The following TARDBP variants were observed in gnomAD, a reference collection of about 807,000 sequenced individuals.
TARDBP encodes TAR DNA binding protein, also known as TAR DNA-binding protein 43.
In TARDBP, 4 loss-of-function variants were observed where a neutral mutation model predicts 38.3. The ratio of observed to expected loss-of-function variants is 0.10; its 90% CI spans 0.05 to 0.24. TARDBP has a LOEUF of 0.24. Among genes scored for constraint, TARDBP ranks in the 10% least tolerant of loss-of-function variants. The pLI is 1.00. For missense variants in TARDBP, 202 were observed against 521.9 expected (o/e 0.39, Z 5.97); for synonymous variants, 184 against 183.8 (o/e 1.00, Z -0.01).
rs1204146387 is a variant in TARDBP, at chr1:11,022,661, G to A, written c.*7G>A. On this transcript the variant is annotated 3_prime_UTR_variant, in exon 6 of 6. Coordinates refer to ENST00000240185, the MANE Select transcript of TARDBP (RefSeq NM_007375.4). The surrounding 1 kb of genome is among the most constrained non-coding windows in gnomAD (Gnocchi z 4.5). The stretch of plus-strand genomic sequence containing the variant: ...TTCTGGCTGGGGAATGTAGACAGTG[G>A]GGTTGTGGTTGGTTGGTATAGAATG... 6.2e-7 allele frequency: 1 copy of A among 1,608,390 alleles called. No individual in the cohort carries two copies. Among genetic ancestry groups the A allele is most frequent in the Non-Finnish European group, 8.5e-7 (1 of 1,177,516 alleles).
At position 11,022,669 on chromosome 1, in the gene TARDBP, G is replaced by A; in HGVS notation, c.*15G>A. On this transcript the variant is annotated 3_prime_UTR_variant, in exon 6 of 6. Coordinates refer to ENST00000240185, the MANE Select transcript of TARDBP (RefSeq NM_007375.4). This position sits in a 1 kb window ranked among gnomAD's most constrained non-coding sequence, Gnocchi z 4.5. ...GGGGAATGTAGACAGTGGGGTTGTGGTTGGTTGGTATAGAATGGTGGGAAT... is the reference window on the plus strand; with the variant it reads ...GGGGAATGTAGACAGTGGGGTTGTGATTGGTTGGTATAGAATGGTGGGAAT... The A allele has an allele frequency of 6.2e-7, 1 of 1,608,536 alleles. No homozygotes were observed. Among genetic ancestry groups the A allele is most frequent in the Non-Finnish European group, 8.5e-7 (1 of 1,177,518 alleles).
intron 1 of TARDBP, among the ~76,000 whole-genome samples, chr1:11,013,408 C>G (rs930748784): frequency 6.6e-6 from 1 of 151,056 alleles, no homozygotes; most frequent in African/African-American, 2.4e-5. Flanking sequence ...GTTTATTGTT[C>G]CCTTGCATAC....
chr1:11,021,643 A>G lies in TARDBP; in HGVS notation c.715-481A>G, dbSNP rs552584308. On this transcript the variant is annotated intron_variant, in intron 5 of 5. Transcript: ENST00000240185. ...ACTCTGTTGCCCAGGCTGGTGGAAC[A>G]CAGTGGTGTAATCATAGCTCACTAC... 7.2e-4 allele frequency among the ~76,000 whole-genome samples: 109 copies of G among 152,282 alleles called. 1 individual carries two copies. Among genetic ancestry groups the G allele is most frequent in the African/African-American group, 2.6e-3 (106 of 41,558 alleles).
chr1:11,023,843 C>T lies in TARDBP; in HGVS notation c.*1189C>T, dbSNP rs1399384131. ...GAAGCTGATGGGCTGAGAACATGGA[C>T]TGAGCTTGTGGTGTGCTTTGCAGGA... On this transcript the variant is annotated 3_prime_UTR_variant, in exon 6 of 6. Coordinates refer to ENST00000240185, the MANE Select transcript of TARDBP (RefSeq NM_007375.4). 1 of 153,180 alleles carries T rather than the reference C, an allele frequency of 6.5e-6. No individual in the cohort carries two copies. The highest frequency in any genetic ancestry group is 2.4e-5 in the African/African-American group (1 of 41,428). 9.5% of individuals were successfully genotyped at this position (153,180 alleles called of 1,614,324 possible). A position where few individuals can be genotyped will look rare whatever the true frequency, so the allele number is the denominator to read the frequency against.
chr1:11,020,644 C>T lies in TARDBP; in HGVS notation c.714+45C>T, dbSNP rs371262607. 88 of 1,563,934 alleles carry T rather than the reference C, an allele frequency of 5.6e-5. No homozygotes were observed. The African/African-American group carries it at 1.3e-3, about 24-fold the overall frequency. On this transcript the variant is annotated intron_variant, in intron 5 of 5. Coordinates refer to ENST00000240185, the MANE Select transcript of TARDBP (RefSeq NM_007375.4). ...TATGTCCCGGCCGGGCGTGGTGGCTCATGCTTACAATCCCAGCACTTTGGA... is the reference window on the plus strand; with the variant it reads ...TATGTCCCGGCCGGGCGTGGTGGCTTATGCTTACAATCCCAGCACTTTGGA...
downstream of TARDBP, chr1:11,025,881 T>C (rs760958798): frequency 5.2e-5 from 8 of 154,802 alleles, no homozygotes; most frequent in Non-Finnish European, 8.8e-5. Context: ...TTTGTTGTTG[T>C]TGAGTATGAG....
downstream of TARDBP, chr1:11,027,086 G>T (rs1484880650): frequency 1.2e-6 from 2 of 1,600,276 alleles, no homozygotes; most frequent in Non-Finnish European, 1.7e-6. Flanking sequence ...CACTTTCTAA[G>T]CCAGCACAAA....
rs1055855424 is a variant in TARDBP, at chr1:11,013,409, C to T, written c.-12-307C>T. On this transcript the variant is annotated intron_variant, in intron 1 of 5. Transcript: ENST00000240185. Reference sequence around the variant, plus strand: ...ATAAAATAGCTACTGTTTATTGTTCCCTTGCATACCCTAGCTTGTAACCAG... The same window carrying T: ...ATAAAATAGCTACTGTTTATTGTTCTCTTGCATACCCTAGCTTGTAACCAG... 1.3e-4 allele frequency among the ~76,000 whole-genome samples: 20 copies of T among 151,050 alleles called. No individual in the cohort carries two copies. The Admixed American group carries it at 1.3e-3, about 10-fold the overall frequency.
In TARDBP at chr1:11,022,780, A is replaced by G; in HGVS notation, c.*126A>G. 1 of 1,453,160 alleles carries G rather than the reference A, an allele frequency of 6.9e-7. No individual in the cohort carries two copies. The highest frequency in any genetic ancestry group is 9.1e-7 in the Non-Finnish European group (1 of 1,103,364). The allele number at this position is 1,453,160 out of a possible 1,614,324, so 90.0% of individuals were successfully genotyped here. A position where few individuals can be genotyped will look rare whatever the true frequency, so the allele number is the denominator to read the frequency against. On this transcript the variant is annotated 3_prime_UTR_variant, in exon 6 of 6. Coordinates refer to ENST00000240185, the MANE Select transcript of TARDBP (RefSeq NM_007375.4). This position sits in a 1 kb window ranked among gnomAD's most constrained non-coding sequence, Gnocchi z 4.5. ...AAAATTGGTTTGTTCAGTGTGGAGTATATTCAGCAGTATTTTTGACATTTT... is the reference window on the plus strand; with the variant it reads ...AAAATTGGTTTGTTCAGTGTGGAGTGTATTCAGCAGTATTTTTGACATTTT...
At position 11,022,532 on chromosome 1, in the gene TARDBP, A is replaced by G. The variant is rs766196255; in HGVS notation, c.1123A>G (p.Ser375Gly). ...QAFGSGNNSY[S>G]GSNSGAAIGW... ...CTTCGGTTCTGGAAATAACTCTTAT[A>G]GTGGCTCTAATTCTGGTGCAGCAAT... Residue 375 changes from serine to glycine, a missense_variant, in exon 6 of 6, where the codon AGT (serine) becomes GGT (glycine). By Grantham distance (56) the Ser-to-Gly change is moderately conservative. Transcript: ENST00000240185. This position sits in a 1 kb window ranked among gnomAD's most constrained non-coding sequence, Gnocchi z 4.5. 6.3e-6 allele frequency: 10 copies of G among 1,589,552 alleles called. No individual in the cohort carries two copies. The East Asian group carries it at 1.3e-4, about 21-fold the overall frequency.
At chr1:11,027,024 T>C (rs1446303163), downstream of TARDBP, 1 of 1,598,448 alleles carries the variant, frequency 6.3e-7, no homozygotes. Flanking sequence ...TGTTTCACTA[T>C]CTAGAAACAC....
chr1:11,027,457 T>C, downstream of TARDBP: 3 of 1,614,162 alleles, frequency 1.9e-6, no homozygotes, highest in East Asian at 2.2e-5. Flanking sequence ...CCCATTCGAA[T>C]GTCCAGGGCG....
intron 2 of TARDBP, among the ~76,000 whole-genome samples, chr1:11,014,439 C>T (rs1643475060): frequency 2.0e-5 from 3 of 152,212 alleles, no homozygotes; most frequent in South Asian, 2.1e-4. Context: ...TTATCCTTCT[C>T]TCTGCCTCTT....
chr1:11,028,721 T>G (rs199756049), downstream of TARDBP, among the ~76,000 whole-genome samples: 11,626 of 148,364 alleles, frequency 0.078, 1,053 homozygotes, highest in East Asian at 0.2. Context: ...TTTTTTTTTT[T>G]TTTTTTTTTT....
chr1:11,029,665 G>A (rs960645617), downstream of TARDBP: 1 of 95,220 alleles, frequency 1.1e-5, no homozygotes, highest in African/African-American at 3.5e-5. Context: ...TTTGGATATG[G>A]AATTTCACTA....
downstream of TARDBP, chr1:11,027,087 C>A: frequency 6.2e-7 from 1 of 1,600,392 alleles, no homozygotes; most frequent in Admixed American, 1.7e-5. Flanking sequence ...ACTTTCTAAG[C>A]CAGCACAAAG....
chr1:11,022,331 G>A lies in TARDBP; in HGVS notation c.922G>A (p.Gly308Ser). 1 of 1,613,956 alleles carries A rather than the reference G, an allele frequency of 6.2e-7. No homozygotes were observed. The highest frequency in any genetic ancestry group is 8.5e-7 in the Non-Finnish European group (1 of 1,179,868). The change falls in exon 6 of 6, where the codon GGT becomes AGT. Residue 308 changes from glycine to serine, a missense_variant. Gly to Ser is a moderately conservative substitution (Grantham distance 56, BLOSUM62 0). Around this residue, in one of 5 missense-constraint regions of TARDBP, gnomAD observed 107 missense variants for 190.5 expected, o/e 0.56. Coordinates refer to ENST00000240185, the MANE Select transcript of TARDBP (RefSeq NM_007375.4). This position sits in a 1 kb window ranked among gnomAD's most constrained non-coding sequence, Gnocchi z 4.5. ...GLGNNQGSNM[G>S]GGMNFGAFSI... ...GGGAAACAATCAAGGTAGTAATATG[G>A]GTGGTGGGATGAACTTTGGTGCGTT...
downstream of TARDBP, chr1:11,027,770 TG>T: frequency 1.5e-5 from 15 of 1,024,948 alleles, no homozygotes; most frequent in Admixed American, 2.8e-5. Context: ...CATGAATTGG[TG>T]GGTGACTACC....
chr1:11,022,402 G>A lies in TARDBP; in HGVS notation c.993G>A (p.Gln331=), dbSNP rs901568125. ...TGGCTGCCGCCCAGGCAGCACTACAGAGCAGTTGGGGTATGATGGGCATGT... is the reference window on the plus strand; with the variant it reads ...TGGCTGCCGCCCAGGCAGCACTACAAAGCAGTTGGGGTATGATGGGCATGT... ...AMMAAAQAAL[Q]SSWGMMGMLA... The change falls in exon 6 of 6, where the codon CAG becomes CAA. Residue 331 remains glutamine (Q), a synonymous_variant. Coordinates refer to ENST00000240185, the MANE Select transcript of TARDBP (RefSeq NM_007375.4). The surrounding 1 kb of genome is among the most constrained non-coding windows in gnomAD (Gnocchi z 4.5). 5.0e-6 allele frequency: 8 copies of A among 1,613,890 alleles called. No individual in the cohort carries two copies. Among genetic ancestry groups the A allele is most frequent in the African/African-American group, 1.3e-5 (1 of 74,922 alleles).
Sources: allele counts gnomAD v4.1 joint callset (sites outside exome capture counted in the v4.1 genomes callset), GRCh38; gene constraint gnomAD v4.1.1; regional missense constraint gnomAD v4.1.1; non-coding constraint Gnocchi (gnomAD v3.1); transcripts MANE v1.5; gene names NCBI Gene and HGNC (gene_info 2026-07-23, HGNC 2026-07-21).